Variants in SLC43A2 observed in about 807,000 individuals in gnomAD.
SLC43A2 encodes the protein large neutral amino acids transporter small subunit 4.
Under a neutral mutation model 63.2 loss-of-function variants are expected in SLC43A2, and 38 were observed. The ratio of observed to expected loss-of-function variants is 0.60; its 90% CI spans 0.46 to 0.79. SLC43A2 has a LOEUF of 0.79. Among genes scored for constraint, SLC43A2 ranks in the 30% least tolerant of loss-of-function variants. The probability of loss-of-function intolerance (pLI) is 0.00; values close to 1 mark genes in which losing one functional copy is unlikely to be tolerated. For synonymous variants in SLC43A2, 322 were observed against 331.0 expected, an observed-to-expected ratio of 0.97 and a Z score of 0.30; for missense variants, 644 against 756.2, an observed-to-expected ratio of 0.85 and a Z score of 1.74.
chr17:1,602,842 T>TCCACCTC (rs1443345226), intron 5 of SLC43A2, among the ~76,000 whole-genome samples: 2 of 141,640 alleles, frequency 1.4e-5, no homozygotes, highest in East Asian at 4.7e-4. Context: ...CACCGCAACC[T>TCCACCTC]CCACCTCCCG....
At chr17:1,623,558 C>T (rs577744436) in intron 2 of SLC43A2, among the ~76,000 whole-genome samples, 3 of 152,068 alleles carry the variant, frequency 2.0e-5, no homozygotes, top group Non-Finnish European at 4.4e-5. Flanking sequence ...TCAGTTTCCC[C>T]GAATGGCCTC....
intron 9 of SLC43A2, among the ~76,000 whole-genome samples, chr17:1,587,667 C>T (rs1235441469): frequency 6.6e-6 from 1 of 151,726 alleles, no homozygotes; most frequent in Non-Finnish European, 1.5e-5. Flanking sequence ...CAAGCTCCTC[C>T]ATCACTCCAG....
At chr17:1,585,521 T>C (rs932041681) in intron 10 of SLC43A2, 72 of 461,860 alleles carry the variant, frequency 1.6e-4, no homozygotes, top group African/African-American at 9.2e-4. Flanking sequence ...GTTGGTATTA[T>C]AGGCATGAAC....
intron 9 of SLC43A2, 30 bp from the exon 10 acceptor site, chr17:1,586,081 C>T (rs537158141): frequency 2.5e-5 from 38 of 1,549,666 alleles, no homozygotes; most frequent in Admixed American, 7.8e-5. Flanking sequence ...GTCATGGGGA[C>T]GCCTGGCAGA....
rs1197892385 is a variant in SLC43A2 at position 1,606,457 on chromosome 17, C to T, written c.501+6738G>A. On this transcript the variant is annotated intron_variant, in intron 5 of 13. Transcript: ENST00000301335. The surrounding 1 kb of genome is among the most constrained non-coding windows in gnomAD (Gnocchi z 4.7). ...GGGGAGCCTGGCAACATTTTGAAAC[C>T]CGCTTTTCTGTGTGGCTTCTGCTGA... Among the ~76,000 whole-genome samples the T allele has an allele frequency of 1.3e-5, 2 of 152,160 alleles. No individual in the cohort carries two copies. The highest frequency in any genetic ancestry group is 2.9e-5 in the Non-Finnish European group (2 of 68,030).
chr17:1,579,322 G>A lies in SLC43A2; in HGVS notation c.1351-999C>T, dbSNP rs113760619. Among the ~76,000 whole-genome samples the A allele has an allele frequency of 4.4e-3, 661 of 151,478 alleles. 4 individuals carry two copies. Among genetic ancestry groups the A allele is most frequent in the African/African-American group, 0.015 (618 of 41,292 alleles). On this transcript the variant is annotated intron_variant, in intron 11 of 13. Coordinates refer to ENST00000301335, the MANE Select transcript of SLC43A2 (RefSeq NM_152346.3). Reference sequence around the variant, plus strand: ...CTAAAAATACAAAAATTAGCCGGGTGTGGTGGCGGGCGCCTGTATTCCCAG... The same window carrying A: ...CTAAAAATACAAAAATTAGCCGGGTATGGTGGCGGGCGCCTGTATTCCCAG...
rs1168350742 is a variant in SLC43A2 at position 1,573,021 on chromosome 17, A to T, written c.*2583T>A. 4 of 151,970 alleles carry T rather than the reference A, an allele frequency of 2.6e-5. No homozygotes were observed. The highest frequency in any genetic ancestry group is 9.7e-5 in the African/African-American group (4 of 41,334). 9.4% of individuals were successfully genotyped at this position (151,970 alleles called of 1,614,324 possible). The stretch of plus-strand genomic sequence containing the variant: ...GAATTCATCTTTATGAAAAAGAAAA[A>T]AAAAATTAGCCAGGCATGGTGGCAC... On this transcript the variant is annotated 3_prime_UTR_variant, in exon 14 of 14. Coordinates refer to ENST00000301335, the MANE Select transcript of SLC43A2 (RefSeq NM_152346.3).
At chr17:1,585,565 G>A (rs2076088625) in intron 10 of SLC43A2, 6 of 804,706 alleles carry the variant, frequency 7.5e-6, no homozygotes, top group Non-Finnish European at 1.0e-5. Context: ...ATTTTTTGTA[G>A]AGACGGGGAG....
At position 1,572,551 on chromosome 17, in the gene SLC43A2, G is replaced by A. The variant is rs2075861787; in HGVS notation, c.*3053C>T. 6.6e-6 allele frequency: 1 copy of A among 152,222 alleles called. No homozygotes were observed. The highest frequency in any genetic ancestry group is 2.1e-4 in the South Asian group (1 of 4,838). The allele number at this position is 152,222 out of a possible 1,614,324, so 9.4% of individuals were successfully genotyped here. On this transcript the variant is annotated 3_prime_UTR_variant, in exon 14 of 14. Transcript: ENST00000301335. ...AACTCCCAGATTGTTATCAAGTCAAGGACAACAATAGGAAAACATGTCACC... is the reference window on the plus strand; with the variant it reads ...AACTCCCAGATTGTTATCAAGTCAAAGACAACAATAGGAAAACATGTCACC...
chr17:1,604,579 G>A (rs1257400582), intron 5 of SLC43A2: 2 of 718,232 alleles, frequency 2.8e-6, no homozygotes, highest in Non-Finnish European at 4.6e-6. Context: ...CATCAACACA[G>A]CACGCTATTG....
intron 5 of SLC43A2, among the ~76,000 whole-genome samples, chr17:1,609,928 A>C: frequency 6.6e-6 from 1 of 151,000 alleles, no homozygotes; most frequent in East Asian, 1.9e-4. Context: ...TTTTTTTTTT[A>C]AACGGAGTTT....
chr17:1,582,087 T>G (rs191118495), intron 11 of SLC43A2, among the ~76,000 whole-genome samples: 264 of 148,328 alleles, frequency 1.8e-3, no homozygotes, highest in African/African-American at 4.5e-3. Context: ...TTTTTTTTGG[T>G]TTTTTTTTCT....
Position 1,616,573 on chromosome 17 carries a change from C to T in SLC43A2, c.357G>A (p.Arg119=). 1 of 1,611,918 alleles carries T rather than the reference C, an allele frequency of 6.2e-7. No homozygotes were observed. The highest frequency in any genetic ancestry group is 8.5e-7 in the Non-Finnish European group (1 of 1,179,050). Residue 119 remains arginine (R), a synonymous_variant, in exon 3 of 14, where the codon AGG becomes AGA. Coordinates refer to ENST00000301335, the MANE Select transcript of SLC43A2 (RefSeq NM_152346.3). ...VMDKYGPRKL[R]LLGSACFAVS... ...GGACCCACACTGACCTGCCCAGCAGCCTGAGCTTCCTCGGGCCATACTTGT... is the reference window on the plus strand; with the variant it reads ...GGACCCACACTGACCTGCCCAGCAGTCTGAGCTTCCTCGGGCCATACTTGT...
At chr17:1,629,014 G>C (rs1243825644), upstream of SLC43A2, 1 of 152,196 alleles carries the variant, frequency 6.6e-6, no homozygotes, top group African/African-American at 2.4e-5. Context: ...AGAGATGGGG[G>C]ACGGGAGGGG....
At chr17:1,595,705 A>G (rs1172845809) in intron 5 of SLC43A2, among the ~76,000 whole-genome samples, 1 of 152,056 alleles carries the variant, frequency 6.6e-6, no homozygotes, top group Non-Finnish European at 1.5e-5. Flanking sequence ...TTGGCCTCCC[A>G]AAGTGCTGGG....
chr17:1,583,237 C>T lies in SLC43A2; in HGVS notation c.1317G>A (p.Gly439=), dbSNP rs1269387081. The T allele has an allele frequency of 1.9e-6, 3 of 1,614,050 alleles. No homozygotes were observed. The highest frequency in any genetic ancestry group is 8.5e-7 in the Non-Finnish European group (1 of 1,180,042). The change falls in exon 11 of 14, where the codon GGG becomes GGA. Residue 439 remains glycine, a synonymous_variant. Coordinates refer to ENST00000301335, the MANE Select transcript of SLC43A2 (RefSeq NM_152346.3). This position sits in a 1 kb window ranked among gnomAD's most constrained non-coding sequence, Gnocchi z 5.5. ...GCAGGTTGGGAATGAGGCAGGTCAC[C>T]CCAAAGCCCACGAGCAGCAGGTTGG... ...AFTNLLLVGF[G]VTCLIPNLPL...
rs186488418 is a variant in SLC43A2 at position 1,594,714 on chromosome 17, T to A, written c.502-1435A>T. The stretch of plus-strand genomic sequence containing the variant: ...GCCATTCTCCTGCCTCAGCCTCCCG[T>A]GTAGCTGGGACTATAGGCGCCCGCC... On this transcript the variant is annotated intron_variant, in intron 5 of 13. Transcript: ENST00000301335. Among the ~76,000 whole-genome samples the A allele has an allele frequency of 9.5e-3, 1,413 of 148,742 alleles. 28 individuals are homozygous for A. Among genetic ancestry groups the A allele is most frequent in the Admixed American group, 0.036 (530 of 14,900 alleles).
At chr17:1,586,744 A>C (rs1463098760) in intron 9 of SLC43A2, among the ~76,000 whole-genome samples, 1 of 152,142 alleles carries the variant, frequency 6.6e-6, no homozygotes, top group Non-Finnish European at 1.5e-5. Context: ...CTCTGATGTC[A>C]GGGCTTCCAT....
chr17:1,608,342 CCAGTGGGAGAG>C (rs1210331313), intron 5 of SLC43A2, among the ~76,000 whole-genome samples: 1 of 152,024 alleles, frequency 6.6e-6, no homozygotes, highest in African/African-American at 2.4e-5. Flanking sequence ...CTTTTTGCCT[CCAGTGGGAGAG>C]CAAAGAGTGA....
Sources: gnomAD v4.1 joint callset for allele counts (sites outside exome capture counted in the v4.1 genomes callset) on GRCh38, gnomAD v4.1.1 for gene constraint, Gnocchi (gnomAD v3.1) non-coding constraint, MANE v1.5 for transcripts, NCBI Gene and HGNC (gene_info 2026-07-23, HGNC 2026-07-21) for gene names.